TRIM69: variants seen among roughly 807,000 people sequenced by gnomAD.
The protein encoded by TRIM69 is tripartite motif containing 69.
Under a neutral mutation model 37.7 loss-of-function variants are expected in TRIM69, and 29 were observed. That is an observed-to-expected ratio of 0.77 (90% confidence interval 0.57 to 1.05). TRIM69 has a LOEUF of 1.05. TRIM69 is among the 50% of genes least tolerant of loss of function. The pLI, the probability that TRIM69 is intolerant of heterozygous loss-of-function variation, is 0.00. For synonymous variants in TRIM69, 209 were observed against 212.4 expected, an observed-to-expected ratio of 0.98 and a Z score of 0.14; for missense variants, 596 against 579.9, an observed-to-expected ratio of 1.03 and a Z score of -0.28.
chr15:44,739,292 C>T (rs1404811253), intron 1 of TRIM69, among the ~76,000 whole-genome samples: 1 of 152,192 alleles, frequency 6.6e-6, no homozygotes, highest in Non-Finnish European at 1.5e-5. Flanking sequence ...CAGCTCCCAG[C>T]GTGAGCGATG....
chr15:44,756,437 C>G lies in TRIM69; in HGVS notation c.553C>G (p.Gln185Glu). The G allele has an allele frequency of 1.9e-6, 3 of 1,551,082 alleles. No individual in the cohort carries two copies. The highest frequency in any genetic ancestry group is 2.4e-5 in the East Asian group (1 of 40,906). ...LKELQTLRNMQKEAIAAHKEN... is the reference protein window; with the variant it reads ...LKELQTLRNMEKEAIAAHKEN... Reference sequence around the variant, plus strand: ...GGAGCTTCAGACCCTGAGGAACATGCAGAAGGAAGCTATTGCTGCTCACAA... The same window carrying G: ...GGAGCTTCAGACCCTGAGGAACATGGAGAAGGAAGCTATTGCTGCTCACAA... Residue 185 changes from glutamine to glutamate, a missense_variant, in exon 3 of 7, where the codon CAG becomes GAG. Gln to Glu is a conservative substitution (Grantham distance 29, BLOSUM62 2). Coordinates refer to ENST00000329464, the MANE Select transcript of TRIM69 (RefSeq NM_182985.5).
At chr15:44,761,960 AATTTATTTTTATTT>A in intron 6 of TRIM69, among the ~76,000 whole-genome samples, 1 of 151,750 alleles carries the variant, frequency 6.6e-6, no homozygotes, top group Middle Eastern at 3.4e-3. Context: ...TTGCCTTTTC[AATTTATTTTTATTT>A]ATTTATTTTT....
Position 44,756,480 on chromosome 15 carries a change from A to G in TRIM69, c.579+17A>G. On this transcript the variant is annotated intron_variant, in intron 3 of 6. Transcript: ENST00000329464. ...GCTCACAAGGTGAGGAGCAAGAAAG[A>G]GGGGTTATGAGATAGAACTGGAACA... 1 of 1,519,738 alleles carries G rather than the reference A, an allele frequency of 6.6e-7. No individual in the cohort carries two copies. The highest frequency in any genetic ancestry group is 1.7e-4 in the Middle Eastern group (1 of 5,872). The allele number at this position is 1,519,738 out of a possible 1,614,324, so 94.1% of individuals were successfully genotyped here.
At chr15:44,739,060 T>A in intron 1 of TRIM69, among the ~76,000 whole-genome samples, 1 of 152,234 alleles carries the variant, frequency 6.6e-6, no homozygotes, top group East Asian at 1.9e-4. Context: ...CTTTTGAAGT[T>A]TACAATTCAG....
chr15:44,754,981 G>A lies in TRIM69; in HGVS notation c.88G>A (p.Val30Met). The A allele has an allele frequency of 6.2e-7, 1 of 1,614,126 alleles. No homozygotes were observed. Among genetic ancestry groups the A allele is most frequent in the Non-Finnish European group, 8.5e-7 (1 of 1,180,020 alleles). Residue 30 changes from valine to methionine, a missense_variant, in exon 2 of 7, where the codon GTG (valine) becomes ATG (methionine). Coordinates refer to ENST00000329464, the MANE Select transcript of TRIM69 (RefSeq NM_182985.5). ...NDSITHLPSK[V>M]VIQDITMELH... ...TTCAATCACCCACCTACCCTCTAAA[G>A]TGGTGATACAAGATATTACTATGGA...
At chr15:44,740,491 T>C (rs946353735) in intron 1 of TRIM69, among the ~76,000 whole-genome samples, 1 of 152,192 alleles carries the variant, frequency 6.6e-6, no homozygotes, top group Non-Finnish European at 1.5e-5. Context: ...GAAAAGAATT[T>C]AGATGAATGT....
In TRIM69 at chr15:44,755,171, A is replaced by G. The variant is rs773951096; in HGVS notation, c.278A>G (p.Asn93Ser). 6.2e-7 allele frequency: 1 copy of G among 1,614,092 alleles called. No individual in the cohort carries two copies. The highest frequency in any genetic ancestry group is 8.5e-7 in the Non-Finnish European group (1 of 1,180,042). ...MLCQYNNCTFNPVLDKLVEKI... is the reference protein window; with the variant it reads ...MLCQYNNCTFSPVLDKLVEKI... Reference sequence around the variant, plus strand: ...TGTCAGTATAACAACTGTACATTCAACCCTGTACTGGACAAGTTGGTAGAG... The same window carrying G: ...TGTCAGTATAACAACTGTACATTCAGCCCTGTACTGGACAAGTTGGTAGAG... Residue 93 changes from asparagine to serine, a missense_variant, in exon 2 of 7, where the codon AAC becomes AGC. By Grantham distance (46) the Asn-to-Ser change is conservative (BLOSUM62 1). Transcript: ENST00000329464.
chr15:44,753,685 A>G (rs2087581794), intron 1 of TRIM69: 3 of 151,990 alleles, frequency 2.0e-5, no homozygotes, highest in Non-Finnish European at 4.4e-5. Context: ...AAATTTCATC[A>G]TATTTTGGAA....
rs774565721 is a variant in TRIM69, at chr15:44,756,393, A to C, written c.509A>C (p.Gln170Pro). ...GAGGAGCTTGCCATCCAACAGGGTCAACTGGAGACAACTCTGAAGGAGCTT... is the reference window on the plus strand; with the variant it reads ...GAGGAGCTTGCCATCCAACAGGGTCCACTGGAGACAACTCTGAAGGAGCTT... ...FTEELAIQQG[Q>P]LETTLKELQT... is the part of the protein sequence containing the mutation. Residue 170 changes from glutamine to proline, a missense_variant, in exon 3 of 7, where the codon CAA (glutamine) becomes CCA (proline). Physicochemically the swap from Gln to Pro is moderately conservative, Grantham distance 76. Coordinates refer to ENST00000329464, the MANE Select transcript of TRIM69 (RefSeq NM_182985.5). The C allele has an allele frequency of 3.2e-6, 5 of 1,550,970 alleles. 2 individuals carry two copies. The South Asian group carries it at 6.0e-5, about 18-fold the overall frequency.
intron 1 of TRIM69, among the ~76,000 whole-genome samples, chr15:44,741,934 A>G (rs2087296713): frequency 1.3e-5 from 2 of 152,268 alleles, no homozygotes; most frequent in African/African-American, 2.4e-5. Flanking sequence ...TCCAATCAAC[A>G]GAAAAAGAGG....
In TRIM69 at chr15:44,759,963, A is replaced by C. The variant is rs2087741768; in HGVS notation, c.961+91A>C. 1.8e-5 allele frequency: 27 copies of C among 1,459,822 alleles called. No individual in the cohort carries two copies. In the South Asian group the frequency reaches 3.5e-4, roughly 19 times the overall value. The allele number at this position is 1,459,822 out of a possible 1,614,324, so 90.4% of individuals were successfully genotyped here. A position where few individuals can be genotyped will look rare whatever the true frequency, so the allele number is the denominator to read the frequency against. On this transcript the variant is annotated intron_variant, in intron 6 of 6. Coordinates refer to ENST00000329464, the MANE Select transcript of TRIM69 (RefSeq NM_182985.5). ...TCTGTGGCCCTAATTAAGTTTTTAC[A>C]GTCTGGGATAGGGAAGGGGTACAGT...
intron 1 of TRIM69, among the ~76,000 whole-genome samples, chr15:44,748,825 C>CA (rs375092348): frequency 0.024 from 2,737 of 114,044 alleles, 26 homozygotes; most frequent in Non-Finnish European, 0.032. Flanking sequence ...GACTTTGTCT[C>CA]AAAAAAAAAA....
In TRIM69 at chr15:44,744,294, T is replaced by A. The variant is rs183889826; in HGVS notation, c.6+7584T>A. Among the ~76,000 whole-genome samples, 46 of 106,494 alleles carry A rather than the reference T, an allele frequency of 4.3e-4. No individual in the cohort carries two copies. In the East Asian group the frequency reaches 0.012, roughly 27 times the overall value. The allele number at this position is 106,494 out of a possible 152,430, so 69.9% of individuals were successfully genotyped here. Reference sequence around the variant, plus strand: ...ACACAGGAAGGGGAACATCACACTCTGGGGACTGTTGTGGGGTGGGGGGAG... The same window carrying A: ...ACACAGGAAGGGGAACATCACACTCAGGGGACTGTTGTGGGGTGGGGGGAG... On this transcript the variant is annotated intron_variant, in intron 1 of 6. Coordinates refer to ENST00000329464, the MANE Select transcript of TRIM69 (RefSeq NM_182985.5).
chr15:44,762,472 C>T (rs542202107), intron 6 of TRIM69, among the ~76,000 whole-genome samples: 2 of 152,036 alleles, frequency 1.3e-5, no homozygotes, highest in Non-Finnish European at 2.9e-5. Flanking sequence ...TTTCTCCTCT[C>T]CTTCTTGGAG....
At position 44,767,333 on chromosome 15, in the gene TRIM69, C is replaced by G; in HGVS notation, c.1064C>G (p.Pro355Arg). ...CATGGTGACATTAAGAAGATAATGCCTGATGATCCTGAGAGGTTTGACTCA... is the reference window on the plus strand; with the variant it reads ...CATGGTGACATTAAGAAGATAATGCGTGATGATCCTGAGAGGTTTGACTCA... ...VWHGDIKKIM[P>R]DDPERFDSSV... Residue 355 changes from proline to arginine, a missense_variant, in exon 7 of 7, where the codon CCT becomes CGT. Transcript: ENST00000329464. 1.2e-6 allele frequency: 2 copies of G among 1,614,074 alleles called. No homozygotes were observed. The highest frequency in any genetic ancestry group is 1.7e-6 in the Non-Finnish European group (2 of 1,180,028).
intron 1 of TRIM69, among the ~76,000 whole-genome samples, chr15:44,741,330 A>T (rs1000349641): frequency 7.2e-5 from 11 of 151,996 alleles, no homozygotes; most frequent in African/African-American, 2.4e-4. Flanking sequence ...TGTAGAGGGA[A>T]ATTTATAGCA....
intron 6 of TRIM69, among the ~76,000 whole-genome samples, 154 bp from the exon 7 acceptor site, chr15:44,767,077 A>AAAAAAAAAAAAAAAAAAAAC (rs2087908549): frequency 2.0e-5 from 3 of 147,736 alleles, no homozygotes; most frequent in Non-Finnish European, 4.5e-5. Context: ...AAAAAAAAAA[A>AAAAAAAAAAAAAAAAAAAAC]AAAAAAAGCA....
intron 1 of TRIM69, among the ~76,000 whole-genome samples, chr15:44,738,039 A>G (rs1323397420): frequency 7.8e-6 from 1 of 127,650 alleles, no homozygotes; most frequent in Non-Finnish European, 1.6e-5. Flanking sequence ...AGGAAGATAC[A>G]TACTTTCTTT....
chr15:44,737,977 T>C (rs907079996), intron 1 of TRIM69, among the ~76,000 whole-genome samples: 5 of 152,058 alleles, frequency 3.3e-5, no homozygotes, highest in African/African-American at 1.2e-4. Flanking sequence ...ATGGACTTCA[T>C]AGCTCTTTGC....
Sources: allele counts gnomAD v4.1 joint callset (sites outside exome capture counted in the v4.1 genomes callset), GRCh38; gene constraint gnomAD v4.1.1; transcripts MANE v1.5; gene names NCBI Gene and HGNC (gene_info 2026-07-23, HGNC 2026-07-21).